Variants in TTC7A observed in about 807,000 individuals in gnomAD.
TTC7A encodes tetratricopeptide repeat domain 7A, also known as tetratricopeptide repeat protein 7A.
Under a neutral mutation model 103.7 loss-of-function variants are expected in TTC7A, and 110 were observed. The ratio of observed to expected loss-of-function variants is 1.06; its 90% CI spans 0.91 to 1.24. The LOEUF (loss-of-function observed/expected upper bound fraction) is 1.24. TTC7A is among the 50% of genes most tolerant of loss of function. TTC7A has a pLI of 0.00. For missense variants in TTC7A, 1,340 were observed against 1,116.3 expected, an observed-to-expected ratio of 1.20 and a Z score of -2.86; for synonymous variants, 521 against 467.9, an observed-to-expected ratio of 1.11 and a Z score of -1.47.
chr2:47,058,498 G>A (rs1372728603), intron 18 of TTC7A, among the ~76,000 whole-genome samples: 1 of 152,190 alleles, frequency 6.6e-6, no homozygotes, highest in East Asian at 1.9e-4. Context: ...CCTCTTTCTG[G>A]GAGCTTCCCT....
At chr2:47,006,335 C>T (rs1226708747) in intron 9 of TTC7A, among the ~76,000 whole-genome samples, 1 of 152,220 alleles carries the variant, frequency 6.6e-6, no homozygotes, top group Non-Finnish European at 1.5e-5. Context: ...ATTTTTATTA[C>T]ATGTCTACGT....
At chr2:47,069,113 G>A (rs550051515) in intron 19 of TTC7A, among the ~76,000 whole-genome samples, 1 of 152,102 alleles carries the variant, frequency 6.6e-6, no homozygotes, top group Non-Finnish European at 1.5e-5. Flanking sequence ...GGAGGGCTGG[G>A]CCAGGCAGTG....
intron 5 of TTC7A, among the ~76,000 whole-genome samples, chr2:46,990,399 A>G (rs1183665051): frequency 6.6e-6 from 1 of 152,166 alleles, no homozygotes. Flanking sequence ...CTTATCTACC[A>G]GGAATCCTGT....
intron 2 of TTC7A, chr2:46,951,702 C>T (rs772841684): frequency 8.8e-6 from 4 of 454,766 alleles, no homozygotes; most frequent in Admixed American, 2.4e-5. Flanking sequence ...TGAGGCACTG[C>T]GCCCAGCTGA....
intron 11 of TTC7A, among the ~76,000 whole-genome samples, chr2:47,021,085 C>G (rs1285402408): frequency 1.3e-5 from 2 of 152,218 alleles, no homozygotes; most frequent in Admixed American, 6.5e-5. Context: ...AGGAAGCATC[C>G]CTGCCCTCTC....
chr2:46,952,438 CAAAT>C (rs1298305752), intron 2 of TTC7A, among the ~76,000 whole-genome samples: 1 of 152,110 alleles, frequency 6.6e-6, no homozygotes, highest in Non-Finnish European at 1.5e-5. Context: ...TTCCAGTCAA[CAAAT>C]AAGTAATTTG....
At chr2:47,030,079 G>A (rs1320044684) in intron 15 of TTC7A, among the ~76,000 whole-genome samples, 1 of 152,224 alleles carries the variant, frequency 6.6e-6, no homozygotes, top group Admixed American at 6.5e-5. Flanking sequence ...GTGACACTGA[G>A]TGTAACAGGC....
chr2:46,951,152 G>A (rs867206442), intron 2 of TTC7A, among the ~76,000 whole-genome samples: 16 of 152,140 alleles, frequency 1.1e-4, no homozygotes, highest in South Asian at 6.2e-4. Flanking sequence ...TATTTATCAA[G>A]CACCTACTGA....
chr2:46,944,428 G>A (rs1276427004), intron 1 of TTC7A, among the ~76,000 whole-genome samples: 2 of 120,646 alleles, frequency 1.7e-5, no homozygotes, highest in African/African-American at 6.6e-5. Context: ...CACCCAGACT[G>A]GAGTTCAGTG....
intron 15 of TTC7A, among the ~76,000 whole-genome samples, chr2:47,043,337 C>T (rs369903681): frequency 5.9e-5 from 9 of 152,164 alleles, no homozygotes; most frequent in African/African-American, 1.9e-4. Flanking sequence ...TGTGCACAGC[C>T]CCCATGGGGA....
chr2:46,935,649 T>C (rs958616695), intron 2 of TTC7A, among the ~76,000 whole-genome samples: 1 of 152,190 alleles, frequency 6.6e-6, no homozygotes, highest in African/African-American at 2.4e-5. Context: ...GTGATCCAAC[T>C]GAGACCTCCT....
intron 5 of TTC7A, among the ~76,000 whole-genome samples, chr2:46,988,368 A>G (rs990758518): frequency 1.3e-5 from 2 of 151,986 alleles, no homozygotes; most frequent in African/African-American, 4.8e-5. Context: ...GACCATTTGA[A>G]CTTCACCTGA....
intron 3 of TTC7A, chr2:46,974,604 A>C (rs575288332): frequency 6.4e-5 from 29 of 453,592 alleles, no homozygotes; most frequent in African/African-American, 5.4e-4. Flanking sequence ...GCTAAGTAGG[A>C]AATGGGGAAC....
chr2:47,061,051 C>G (rs1029729377), intron 19 of TTC7A, 80 bp downstream of exon 19: 4 of 1,389,550 alleles, frequency 2.9e-6, no homozygotes, highest in African/African-American at 2.9e-5. Context: ...CTCCTTGTCC[C>G]CATACTCCAC....
chr2:47,051,664 G>C (rs1438895137), intron 17 of TTC7A, 82 bp from the exon 18 acceptor site: 1 of 1,485,610 alleles, frequency 6.7e-7, no homozygotes, highest in Non-Finnish European at 9.0e-7. Context: ...GTCTCCCCAT[G>C]GTGCTGGGCA....
intron 11 of TTC7A, among the ~76,000 whole-genome samples, chr2:47,014,567 C>G (rs1208694768): frequency 6.8e-6 from 1 of 147,824 alleles, no homozygotes; most frequent in African/African-American, 2.4e-5. Flanking sequence ...GCCCTGTACT[C>G]TCTGTTCCTG....
rs749366135 is a variant in TTC7A, at chr2:47,011,475, G to C, written c.1392+40G>C. 21 of 1,518,440 alleles carry C rather than the reference G, an allele frequency of 1.4e-5. No homozygotes were observed. In the Admixed American group the frequency reaches 3.5e-4, roughly 25 times the overall value. The allele number at this position is 1,518,440 out of a possible 1,614,324, so 94.1% of individuals were successfully genotyped here. On this transcript the variant is annotated intron_variant, in intron 11 of 19. Transcript: ENST00000319190. ...AGGGCAGGTCCCAGAGGCCTCCTGT[G>C]GGGAGGGTGGCAGCAGCTGGCTGTG...
chr2:47,060,662 G>GT (rs765069988), intron 18 of TTC7A, 107 bp from the exon 19 acceptor site: 100 of 1,028,078 alleles, frequency 9.7e-5, no homozygotes, highest in Non-Finnish European at 1.3e-4. Context: ...GTGGGATAGA[G>GT]TTTGTCACCT....
At chr2:47,073,393 G>A (rs1684938891) in intron 19 of TTC7A, among the ~76,000 whole-genome samples, 1 of 152,218 alleles carries the variant, frequency 6.6e-6, no homozygotes, top group Non-Finnish European at 1.5e-5. Flanking sequence ...GCTGGGATTT[G>A]CCTAGGATCC....
Sources: allele counts gnomAD v4.1 joint callset (sites outside exome capture counted in the v4.1 genomes callset), GRCh38; gene constraint gnomAD v4.1.1; transcripts MANE v1.5; gene names NCBI Gene and HGNC (gene_info 2026-07-23, HGNC 2026-07-21).